The following UGT1A10 variants were observed in gnomAD, a reference collection of about 807,000 sequenced individuals.
UGT1A10 encodes the protein UDP-glucuronosyltransferase 1A10.
Under a neutral mutation model 45.8 loss-of-function variants are expected in UGT1A10, and 49 were observed. The observed-to-expected ratio is 1.07, with a 90% CI of 0.85 to 1.36. The LOEUF is 1.36. Ranked by LOEUF, UGT1A10 falls within the 40% of genes most tolerant of loss-of-function variation. The pLI, the probability that UGT1A10 is intolerant of heterozygous loss-of-function variation, is 0.00. For synonymous variants in UGT1A10, 284 were observed against 249.7 expected, an observed-to-expected ratio of 1.14 and a Z score of -1.29; for missense variants, 745 against 668.6, an observed-to-expected ratio of 1.11 and a Z score of -1.26.
At chr2:233,707,880 G>A (rs2075992428) in intron 1 of UGT1A10, among the ~76,000 whole-genome samples, 1 of 152,146 alleles carries the variant, frequency 6.6e-6, no homozygotes, top group South Asian at 2.1e-4. Context: ...TGATTGCTAA[G>A]GCATTAGTTA....
chr2:233,760,984 C>T lies in UGT1A10; in HGVS notation c.856-6050C>T. 6.2e-7 allele frequency: 1 copy of T among 1,614,234 alleles called. No individual in the cohort carries two copies. The highest frequency in any genetic ancestry group is 8.5e-7 in the Non-Finnish European group (1 of 1,180,042). ...CGTGGTTTATTCCCCGTATGCAACC[C>T]TTGCCTCAGAATTCCTTCAGAGAGA... is the stretch of plus-strand genomic sequence containing the variant. On this transcript the variant is annotated intron_variant, in intron 1 of 4. Coordinates refer to ENST00000344644, the MANE Select transcript of UGT1A10 (RefSeq NM_019075.4).
At chr2:233,677,047 A>G in intron 1 of UGT1A10, among the ~76,000 whole-genome samples, 1 of 151,876 alleles carries the variant, frequency 6.6e-6, no homozygotes, top group East Asian at 1.9e-4. Context: ...GCATTACCAT[A>G]TGCATTTTAA....
intron 1 of UGT1A10, chr2:233,729,771 C>A: frequency 6.2e-7 from 1 of 1,613,970 alleles, no homozygotes; most frequent in Non-Finnish European, 8.5e-7. Flanking sequence ...AGAACATGCT[C>A]TACCCTCTGG....
intron 1 of UGT1A10, among the ~76,000 whole-genome samples, chr2:233,762,934 A>G (rs2126001089): frequency 6.6e-6 from 1 of 152,358 alleles, no homozygotes; most frequent in Middle Eastern, 3.4e-3. Context: ...CTCTAAAAAC[A>G]GTTGAATAAT....
intron 1 of UGT1A10, chr2:233,718,705 T>C: frequency 1.9e-6 from 3 of 1,603,136 alleles, no homozygotes; most frequent in Non-Finnish European, 2.6e-6. Flanking sequence ...CACTTTGTCT[T>C]CCAATTACAT....
At chr2:233,719,463 C>T (rs778257140) in intron 1 of UGT1A10, 5 of 1,613,980 alleles carry the variant, frequency 3.1e-6, no homozygotes, top group South Asian at 1.1e-5. Context: ...CAAGAACATG[C>T]TCTACCCTCT....
At chr2:233,759,578 C>T (rs1477020386) in intron 1 of UGT1A10, among the ~76,000 whole-genome samples, 1 of 151,810 alleles carries the variant, frequency 6.6e-6, no homozygotes, top group East Asian at 1.9e-4. Context: ...ATTCTCTACC[C>T]CAGCACGCCC....
At chr2:233,641,816 A>G (rs1427387948) in intron 1 of UGT1A10, among the ~76,000 whole-genome samples, 5 of 152,100 alleles carry the variant, frequency 3.3e-5, no homozygotes, top group Admixed American at 6.5e-5. Flanking sequence ...TCAGCACTTT[A>G]AATATGTCAT....
At chr2:233,713,374 G>C (rs758031379) in intron 1 of UGT1A10, 1 of 1,614,186 alleles carries the variant, frequency 6.2e-7, no homozygotes, top group Non-Finnish European at 8.5e-7. Flanking sequence ...CATAGGTCTT[G>C]TGTGGAGCTA....
intron 1 of UGT1A10, among the ~76,000 whole-genome samples, chr2:233,766,497 A>T (rs906652149): frequency 3.9e-5 from 6 of 152,128 alleles, no homozygotes; most frequent in Admixed American, 3.9e-4. Context: ...GTGGCAGGCC[A>T]GGGTGGTTTT....
intron 1 of UGT1A10, among the ~76,000 whole-genome samples, chr2:233,654,829 C>T (rs528579542): frequency 1.8e-4 from 28 of 152,294 alleles, no homozygotes; most frequent in African/African-American, 5.1e-4. Context: ...CAGTGGCTCA[C>T]GCCTGTAATC....
chr2:233,717,852 T>A (rs1267229703), intron 1 of UGT1A10: 1 of 455,074 alleles, frequency 2.2e-6, no homozygotes, highest in Non-Finnish European at 4.4e-6. Flanking sequence ...TTATCAGAAC[T>A]TGGTGCTGGA....
rs1008257077 is a variant in UGT1A10, at chr2:233,682,304, A to C, written c.855+44927A>C. 9.3e-6 allele frequency: 15 copies of C among 1,613,950 alleles called. No homozygotes were observed. Among genetic ancestry groups the C allele is most frequent in the Non-Finnish European group, 1.1e-5 (13 of 1,180,004 alleles). ...TGGTATTTTTGACTTATTTTTTTCA[A>C]ATTGCAGGAGTTTGTTTAATGACCG... On this transcript the variant is annotated intron_variant, in intron 1 of 4. Coordinates refer to ENST00000344644, the MANE Select transcript of UGT1A10 (RefSeq NM_019075.4).
Position 233,657,265 on chromosome 2 carries a change from G to A in UGT1A10, c.855+19888G>A, listed in dbSNP as rs28969700. Among the ~76,000 whole-genome samples, 1,445 of 151,850 alleles carry A rather than the reference G, an allele frequency of 9.5e-3. 24 individuals are homozygous for A. The highest frequency in any genetic ancestry group is 0.033 in the African/African-American group (1,354 of 41,406). The stretch of plus-strand genomic sequence containing the variant: ...AAGCACCTGGCGGTTTAGTTTTTTT[G>A]TGTTGCTCTAAAGGAATACCTGGGG... On this transcript the variant is annotated intron_variant, in intron 1 of 4. Coordinates refer to ENST00000344644, the MANE Select transcript of UGT1A10 (RefSeq NM_019075.4).
intron 1 of UGT1A10, among the ~76,000 whole-genome samples, chr2:233,765,711 TTAATAA>T (rs10664358): frequency 2.7e-5 from 4 of 149,240 alleles, no homozygotes; most frequent in African/African-American, 7.4e-5. Context: ...ATAATAATAA[TTAATAA>T]TAATAATAAT....
chr2:233,684,117 T>A (rs1300300647), intron 1 of UGT1A10, among the ~76,000 whole-genome samples: 1 of 152,240 alleles, frequency 6.6e-6, no homozygotes, highest in Non-Finnish European at 1.5e-5. Context: ...TTGTTCTGGC[T>A]TCTTACAAAG....
At chr2:233,681,136 C>T (rs571489721) in intron 1 of UGT1A10, among the ~76,000 whole-genome samples, 2 of 151,750 alleles carry the variant, frequency 1.3e-5, no homozygotes, top group Non-Finnish European at 2.9e-5. Flanking sequence ...ACAGGTGAGC[C>T]GCAATTTCCT....
intron 1 of UGT1A10, among the ~76,000 whole-genome samples, chr2:233,663,863 C>T (rs2074023509): frequency 6.6e-6 from 1 of 152,100 alleles, no homozygotes; most frequent in Non-Finnish European, 1.5e-5. Context: ...AACCACCATT[C>T]CTCTTTTTGA....
intron 1 of UGT1A10, among the ~76,000 whole-genome samples, chr2:233,732,755 G>GTTT (rs956485327): frequency 1.7e-5 from 2 of 120,222 alleles, no homozygotes; most frequent in African/African-American, 3.0e-5. Flanking sequence ...CACCAGCTTT[G>GTTT]TTTTTTTTTT....
Sources: allele counts gnomAD v4.1 joint callset (sites outside exome capture counted in the v4.1 genomes callset), GRCh38; gene constraint gnomAD v4.1.1; transcripts MANE v1.5; gene names NCBI Gene and HGNC (gene_info 2026-07-23, HGNC 2026-07-21).